The following ADCY5 variants were observed in gnomAD, a reference collection of about 807,000 sequenced individuals.
ADCY5 encodes the protein adenylate cyclase 5.
ADCY5 carries 30 observed loss-of-function variants against 119.7 expected under a neutral mutation model. The ratio of observed to expected loss-of-function variants is 0.25; its 90% CI spans 0.19 to 0.34. The LOEUF (loss-of-function observed/expected upper bound fraction) is 0.34, where lower values mean the gene tolerates loss of function less well. Among genes scored for constraint, ADCY5 ranks in the 10% least tolerant of loss-of-function variants. The pLI, the probability that ADCY5 is intolerant of heterozygous loss-of-function variation, is 1.00. For missense variants in ADCY5, 1,324 were observed against 1,775.2 expected (o/e 0.75, Z 4.57); for synonymous variants, 753 against 762.2 (o/e 0.99, Z 0.20).
chr3:123,389,726 G>A (rs1025143854), intron 1 of ADCY5, among the ~76,000 whole-genome samples: 1 of 152,158 alleles, frequency 6.6e-6, no homozygotes, highest in Non-Finnish European at 1.5e-5. Context: ...GCTGACCACA[G>A]GGTCAGTCAA....
At position 123,304,144 on chromosome 3, in the gene ADCY5, C is replaced by G; in HGVS notation, c.2482G>C (p.Val828Leu). ...AGGGTGCTGTTCATCTTGGACCGCA[C>G]GATCTTCCTGGAGAGGGTCTGCAGT... ...SPLQTLSRKI[V>L]RSKMNSTLVG... The change falls in exon 13 of 21, where the codon GTG becomes CTG. Residue 828 changes from valine to leucine, a missense_variant. By Grantham distance (32) the Val-to-Leu change is conservative. This residue lies in a region of ADCY5 where 424 missense variants were observed against 546.8 expected (regional missense o/e 0.78). Coordinates refer to ENST00000462833, the MANE Select transcript of ADCY5 (RefSeq NM_183357.3). 1 of 1,543,186 alleles carries G rather than the reference C, an allele frequency of 6.5e-7. No homozygotes were observed. Among genetic ancestry groups the G allele is most frequent in the Non-Finnish European group, 8.8e-7 (1 of 1,137,642 alleles).
At chr3:123,414,084 A>T (rs1268104066) in intron 1 of ADCY5, among the ~76,000 whole-genome samples, 1 of 152,150 alleles carries the variant, frequency 6.6e-6, no homozygotes, top group African/African-American at 2.4e-5. Context: ...GTCATGGGCT[A>T]AAGACATATA....
At chr3:123,436,616 G>T (rs1456494401) in intron 1 of ADCY5, among the ~76,000 whole-genome samples, 3 of 152,126 alleles carry the variant, frequency 2.0e-5, no homozygotes, top group Non-Finnish European at 4.4e-5. Context: ...TGAAGCAGGA[G>T]AATCTCTTGA....
At chr3:123,370,345 C>T (rs1365612459) in intron 1 of ADCY5, among the ~76,000 whole-genome samples, 2 of 152,220 alleles carry the variant, frequency 1.3e-5, no homozygotes, top group Non-Finnish European at 2.9e-5. Context: ...AAATTCCTTG[C>T]CCTGTTCTTC....
chr3:123,332,095 G>A (rs1354348905), intron 4 of ADCY5, among the ~76,000 whole-genome samples: 1 of 152,176 alleles, frequency 6.6e-6, no homozygotes, highest in African/African-American at 2.4e-5. Flanking sequence ...ACGTTTAAGA[G>A]TCCTCTTTCT....
intron 12 of ADCY5, among the ~76,000 whole-genome samples, chr3:123,309,647 T>C (rs1940432305): frequency 6.6e-6 from 1 of 152,134 alleles, no homozygotes; most frequent in African/African-American, 2.4e-5. Flanking sequence ...TGTCCTGACT[T>C]GAAAAACACA....
intron 2 of ADCY5, among the ~76,000 whole-genome samples, chr3:123,351,798 C>A (rs940376781): frequency 2.6e-5 from 4 of 152,224 alleles, no homozygotes; most frequent in Non-Finnish European, 5.9e-5. Flanking sequence ...CTGCTCCCAC[C>A]CCACCCAAGA....
At chr3:123,383,774 C>G (rs547341963) in intron 1 of ADCY5, among the ~76,000 whole-genome samples, 1 of 152,052 alleles carries the variant, frequency 6.6e-6, no homozygotes, top group African/African-American at 2.4e-5. Flanking sequence ...TCCACACATG[C>G]AGGCAGGCAC....
At chr3:123,340,010 C>T (rs1262681970) in intron 3 of ADCY5, among the ~76,000 whole-genome samples, 1 of 152,108 alleles carries the variant, frequency 6.6e-6, no homozygotes, top group Admixed American at 6.5e-5. Context: ...TTATTTTTTG[C>T]CACGCACAGT....
At chr3:123,342,450 G>A (rs1181684073) in intron 3 of ADCY5, among the ~76,000 whole-genome samples, 1 of 152,136 alleles carries the variant, frequency 6.6e-6, no homozygotes, top group East Asian at 1.9e-4. Flanking sequence ...TGATGTGTGG[G>A]GAGCGGGGCT....
chr3:123,365,941 G>C (rs1270268660), intron 1 of ADCY5, among the ~76,000 whole-genome samples: 7 of 152,124 alleles, frequency 4.6e-5, no homozygotes, highest in Admixed American at 3.9e-4. Context: ...CTTCCCTGCA[G>C]AACTGAGCTG....
intron 7 of ADCY5, among the ~76,000 whole-genome samples, chr3:123,326,889 C>T (rs968592513): frequency 2.0e-5 from 3 of 152,232 alleles, no homozygotes; most frequent in Non-Finnish European, 4.4e-5. Context: ...CTGAACTCTT[C>T]TCACAGACTA....
chr3:123,340,196 G>A (rs1367543268), intron 3 of ADCY5, among the ~76,000 whole-genome samples: 2 of 151,988 alleles, frequency 1.3e-5, no homozygotes, highest in Admixed American at 6.5e-5. Flanking sequence ...GAGCTGAGGT[G>A]GGAGAACTGT....
At chr3:123,384,840 A>G (rs1399756717) in intron 1 of ADCY5, among the ~76,000 whole-genome samples, 1 of 152,062 alleles carries the variant, frequency 6.6e-6, no homozygotes, top group Non-Finnish European at 1.5e-5. Context: ...CCTGGAGCCA[A>G]CCTTTGTCCT....
At chr3:123,425,554 C>T (rs1945388791) in intron 1 of ADCY5, among the ~76,000 whole-genome samples, 1 of 152,246 alleles carries the variant, frequency 6.6e-6, no homozygotes, top group African/African-American at 2.4e-5. Context: ...TCCTCTCTGT[C>T]CCAGTGGCCC....
rs376807743 is a variant in ADCY5 at position 123,286,917 on chromosome 3, C to T, written c.3533-108G>A. On this transcript the variant is annotated intron_variant, in intron 19 of 20. Transcript: ENST00000462833. This position sits in a 1 kb window ranked among gnomAD's most constrained non-coding sequence, Gnocchi z 4.2. Reference sequence around the variant, plus strand: ...CTTCTGACTCCCAACCTGAGACACCCGTGGGCTTCCAGGCCCAAGGCTGTG... The same window carrying T: ...CTTCTGACTCCCAACCTGAGACACCTGTGGGCTTCCAGGCCCAAGGCTGTG... The T allele has an allele frequency of 8.5e-5, 123 of 1,442,642 alleles. No individual in the cohort carries two copies. Among genetic ancestry groups the T allele is most frequent in the Admixed American group, 1.0e-4 (4 of 38,376 alleles). 89.4% of individuals were successfully genotyped at this position (1,442,642 alleles called of 1,614,324 possible).
At chr3:123,391,500 C>T (rs146781898) in intron 1 of ADCY5, among the ~76,000 whole-genome samples, 6 of 152,192 alleles carry the variant, frequency 3.9e-5, no homozygotes, top group Non-Finnish European at 5.9e-5. Flanking sequence ...AGACTGAGGG[C>T]GGCCAATGGA....
chr3:123,441,747 C>T (rs948302066), intron 1 of ADCY5, among the ~76,000 whole-genome samples: 1 of 152,150 alleles, frequency 6.6e-6, no homozygotes, highest in African/African-American at 2.4e-5. Context: ...GGTCACTCTC[C>T]TTTGAAGTCT....
At chr3:123,314,432 A>G (rs1186541689) in intron 11 of ADCY5, 110 bp from the exon 12 acceptor site, 1 of 775,136 alleles carries the variant, frequency 1.3e-6, no homozygotes, top group Non-Finnish European at 2.1e-6. Context: ...CCATCCTCAC[A>G]GCTTCAGAGG....
Sources: gnomAD v4.1 joint callset for allele counts (sites outside exome capture counted in the v4.1 genomes callset) on GRCh38, gnomAD v4.1.1 for gene constraint, gnomAD v4.1.1 regional missense constraint, Gnocchi (gnomAD v3.1) non-coding constraint, MANE v1.5 for transcripts, NCBI Gene and HGNC (gene_info 2026-07-23, HGNC 2026-07-21) for gene names.